Variants in KCND2 observed in about 807,000 individuals in gnomAD.
The protein encoded by KCND2 is potassium voltage-gated channel subfamily D member 2.
A neutral mutation model predicts 54.4 loss-of-function variants in KCND2; 16 were observed. The ratio of observed to expected loss-of-function variants is 0.29; its 90% confidence interval spans 0.20 to 0.45. KCND2 has a LOEUF of 0.45. Ranked by LOEUF, KCND2 falls within the 20% of genes least tolerant of loss-of-function variation. The probability of loss-of-function intolerance (pLI) is 1.00; values close to 1 mark genes in which losing one functional copy is unlikely to be tolerated. For synonymous variants in KCND2, 317 were observed against 310.7 expected (o/e 1.02, Z -0.21); for missense variants, 486 against 824.2 (o/e 0.59, Z 5.02).
At chr7:120,734,592 A>G (rs777708977) in intron 2 of KCND2, among the ~76,000 whole-genome samples, 8 of 152,004 alleles carry the variant, frequency 5.3e-5, no homozygotes, top group South Asian at 2.1e-4. Flanking sequence ...CCCTTCCCCA[A>G]TCTTTGTCAA....
At chr7:120,309,336 A>G (rs1049083537) in intron 1 of KCND2, among the ~76,000 whole-genome samples, 1 of 151,860 alleles carries the variant, frequency 6.6e-6, no homozygotes, top group African/African-American at 2.4e-5. Flanking sequence ...AAATAAGAGT[A>G]TTTACAGAAG....
intron 1 of KCND2, among the ~76,000 whole-genome samples, chr7:120,705,258 A>C (rs1328553845): frequency 6.6e-6 from 1 of 152,192 alleles, no homozygotes; most frequent in African/African-American, 2.4e-5. Context: ...TAATGTAAAC[A>C]CGAGTGGTTG....
At chr7:120,604,656 G>A (rs958427676) in intron 1 of KCND2, among the ~76,000 whole-genome samples, 10 of 151,778 alleles carry the variant, frequency 6.6e-5, no homozygotes, top group South Asian at 4.1e-4. Context: ...TTGCATTCCT[G>A]TGTCTTGAAT....
chr7:120,543,146 A>AAT (rs150864016), intron 1 of KCND2, among the ~76,000 whole-genome samples: 93 of 150,194 alleles, frequency 6.2e-4, no homozygotes, highest in Admixed American at 1.1e-3. Context: ...ATAACCTCAA[A>AAT]ATATATATAT....
intron 4 of KCND2, among the ~76,000 whole-genome samples, chr7:120,744,085 C>A (rs1792975445): frequency 6.6e-6 from 1 of 152,040 alleles, no homozygotes; most frequent in Admixed American, 6.6e-5. Context: ...CATGGTGAAA[C>A]CTCGTCTCTA....
At chr7:120,421,609 G>A (rs773230596) in intron 1 of KCND2, among the ~76,000 whole-genome samples, 2 of 152,232 alleles carry the variant, frequency 1.3e-5, no homozygotes, top group Non-Finnish European at 2.9e-5. Flanking sequence ...AGATTCATAG[G>A]TGATTGTTAA....
intron 1 of KCND2, among the ~76,000 whole-genome samples, chr7:120,567,767 C>T (rs1792315731): frequency 6.6e-6 from 1 of 152,030 alleles, no homozygotes; most frequent in Admixed American, 6.5e-5. Context: ...AAGCTAGCTA[C>T]AAATTTTAAA....
intron 1 of KCND2, among the ~76,000 whole-genome samples, chr7:120,679,112 C>T (rs1350658907): frequency 6.6e-6 from 1 of 151,580 alleles, no homozygotes; most frequent in African/African-American, 2.4e-5. Flanking sequence ...GGTAGCCTAC[C>T]CTGAGGCTTT....
chr7:120,701,230 A>G (rs1792396685), intron 1 of KCND2, among the ~76,000 whole-genome samples: 1 of 130,726 alleles, frequency 7.6e-6, no homozygotes, highest in African/African-American at 2.9e-5. Flanking sequence ...GAATGGCTGT[A>G]ATGCCTAGCT....
intron 1 of KCND2, among the ~76,000 whole-genome samples, chr7:120,496,238 G>A (rs1802845156): frequency 1.3e-5 from 2 of 151,910 alleles, no homozygotes; most frequent in South Asian, 2.1e-4. Context: ...GGATCTCTAA[G>A]CCTCAGGCTT....
At chr7:120,693,383 G>T (rs1328655985) in intron 1 of KCND2, among the ~76,000 whole-genome samples, 1 of 152,130 alleles carries the variant, frequency 6.6e-6, no homozygotes, top group African/African-American at 2.4e-5. Flanking sequence ...TTATTAGGTG[G>T]TGAGCTGATG....
chr7:120,298,710 T>C (rs1799544434), intron 1 of KCND2, among the ~76,000 whole-genome samples: 1 of 152,234 alleles, frequency 6.6e-6, no homozygotes, highest in Non-Finnish European at 1.5e-5. Context: ...CAAAGCCTAA[T>C]CTTGGAAAAA....
intron 1 of KCND2, among the ~76,000 whole-genome samples, chr7:120,672,680 G>C (rs1039107991): frequency 6.6e-6 from 1 of 152,084 alleles, no homozygotes; most frequent in African/African-American, 2.4e-5. Context: ...CAGCAGATCA[G>C]ATCTGTGATA....
chr7:120,458,564 A>G (rs1330223826), intron 1 of KCND2, among the ~76,000 whole-genome samples: 1 of 152,202 alleles, frequency 6.6e-6, no homozygotes, highest in African/African-American at 2.4e-5. Flanking sequence ...GTAACTGTCT[A>G]GATTGAGGGA....
chr7:120,299,464 C>T (rs1027205636), intron 1 of KCND2, among the ~76,000 whole-genome samples: 8 of 152,024 alleles, frequency 5.3e-5, no homozygotes, highest in East Asian at 1.9e-4. Flanking sequence ...TAATAATAGT[C>T]GCTCATTTCC....
At chr7:120,519,492 C>G (rs1791660260) in intron 1 of KCND2, among the ~76,000 whole-genome samples, 1 of 152,138 alleles carries the variant, frequency 6.6e-6, no homozygotes, top group African/African-American at 2.4e-5. Flanking sequence ...GGAGCAGATT[C>G]TTCTCTAGCA....
chr7:120,387,635 GT>G (rs1801009528), intron 1 of KCND2, among the ~76,000 whole-genome samples: 1 of 151,944 alleles, frequency 6.6e-6, no homozygotes. Context: ...TATTTAAAAT[GT>G]TCTTTTGTGA....
chr7:120,297,534 T>G (rs1799529620), intron 1 of KCND2, among the ~76,000 whole-genome samples: 1 of 152,146 alleles, frequency 6.6e-6, no homozygotes, highest in Non-Finnish European at 1.5e-5. Context: ...AGATATCTTG[T>G]TGATACAATG....
chr7:120,381,243 A>G (rs1034525208), intron 1 of KCND2, among the ~76,000 whole-genome samples: 6 of 152,158 alleles, frequency 3.9e-5, no homozygotes, highest in South Asian at 4.1e-4. Flanking sequence ...TGATGGAGTG[A>G]GACTGTGTCT....
Sources: allele counts gnomAD v4.1 joint callset (sites outside exome capture counted in the v4.1 genomes callset), GRCh38; gene constraint gnomAD v4.1.1; transcripts MANE v1.5; gene names NCBI Gene and HGNC (gene_info 2026-07-23, HGNC 2026-07-21).